The following EML6 variants were observed in gnomAD, a reference collection of about 807,000 sequenced individuals.
EML6 encodes the protein echinoderm microtubule-associated protein-like 6.
EML6 carries 154 observed loss-of-function variants against 240.1 expected under a neutral mutation model. That is an observed-to-expected ratio of 0.64 (90% CI 0.56 to 0.73). The LOEUF is 0.73. Ranked by LOEUF, EML6 falls within the 30% of genes least tolerant of loss-of-function variation. The probability of loss-of-function intolerance (pLI) is 0.00; values close to 1 mark genes in which losing one functional copy is unlikely to be tolerated. For synonymous variants in EML6, 1,148 were observed against 899.0 expected, an observed-to-expected ratio of 1.28 and a Z score of -4.95; for missense variants, 2,964 against 2,474.6, an observed-to-expected ratio of 1.20 and a Z score of -4.20.
intron 2 of EML6, among the ~76,000 whole-genome samples, chr2:54,797,200 G>A (rs980019924): frequency 2.6e-5 from 3 of 117,074 alleles, no homozygotes; most frequent in African/African-American, 6.0e-5. Context: ...CTGTGATCTT[G>A]TAGGTCTAAG....
chr2:54,920,292 A>G (rs1371203898), intron 26 of EML6, among the ~76,000 whole-genome samples: 1 of 152,148 alleles, frequency 6.6e-6, no homozygotes, highest in Non-Finnish European at 1.5e-5. Context: ...CTAGCCAAAA[A>G]AAGGACTCAA....
At position 54,971,952 on chromosome 2, in the gene EML6, A is replaced by ACC. The variant is rs1677044982; in HGVS notation, c.*1857_*1858insCC. ...ATGTGAGTTAAAACATTGGTGCATG[A>ACC]ATTTATTTTCAAAGTATAAAACACA... is the stretch of plus-strand genomic sequence containing the variant. On this transcript the variant is annotated 3_prime_UTR_variant, in exon 42 of 42. Transcript: ENST00000356458. 1 of 152,230 alleles carries ACC rather than the reference A, an allele frequency of 6.6e-6. No homozygotes were observed. Among genetic ancestry groups the ACC allele is most frequent in the Non-Finnish European group, 1.5e-5 (1 of 68,044 alleles). The allele number at this position is 152,230 out of a possible 1,614,324, so 9.4% of individuals were successfully genotyped here. A position where few individuals can be genotyped will look rare whatever the true frequency, so the allele number is the denominator to read the frequency against.
chr2:54,830,841 G>C (rs1239987385), intron 7 of EML6, among the ~76,000 whole-genome samples: 2 of 152,188 alleles, frequency 1.3e-5, no homozygotes, highest in African/African-American at 2.4e-5. Flanking sequence ...AACTAATCCA[G>C]GATTGGACTC....
intron 28 of EML6, among the ~76,000 whole-genome samples, chr2:54,939,231 C>T (rs550877013): frequency 1.3e-5 from 2 of 152,342 alleles, no homozygotes; most frequent in Non-Finnish European, 2.9e-5. Context: ...CCCTGGTCAT[C>T]CTTCCAGCGC....
chr2:54,852,520 T>G (rs533918472), intron 10 of EML6, among the ~76,000 whole-genome samples: 1 of 152,338 alleles, frequency 6.6e-6, no homozygotes, highest in South Asian at 2.1e-4. Flanking sequence ...TTCTAGTATC[T>G]TTGTTGGTCC....
At chr2:54,740,593 A>T (rs1046144655) in intron 2 of EML6, among the ~76,000 whole-genome samples, 3 of 152,124 alleles carry the variant, frequency 2.0e-5, no homozygotes, top group African/African-American at 7.2e-5. Flanking sequence ...TTTCAGGTTT[A>T]CTTTTCTTCT....
At chr2:54,784,812 G>A (rs1669005377) in intron 2 of EML6, among the ~76,000 whole-genome samples, 1 of 151,784 alleles carries the variant, frequency 6.6e-6, no homozygotes, top group South Asian at 2.1e-4. Context: ...ATTCTTAAAG[G>A]AAGCTAGAGA....
chr2:54,837,311 T>C (rs897948804), intron 7 of EML6, among the ~76,000 whole-genome samples: 1 of 152,198 alleles, frequency 6.6e-6, no homozygotes, highest in Non-Finnish European at 1.5e-5. Context: ...TTTCCCCCTA[T>C]TGCTAGCTTG....
At chr2:54,866,923 GT>G in intron 14 of EML6, 39 bp downstream of exon 14, 1 of 1,252,440 alleles carries the variant, frequency 8.0e-7, no homozygotes, top group Non-Finnish European at 1.1e-6. Context: ...GTGTTCCTCT[GT>G]CTCTGCCTGG....
intron 17 of EML6, among the ~76,000 whole-genome samples, chr2:54,888,036 C>T (rs1238964285): frequency 2.0e-5 from 3 of 152,244 alleles, no homozygotes; most frequent in Non-Finnish European, 4.4e-5. Context: ...TAGCAATGGG[C>T]TTGCTGCCCA....
At chr2:54,953,334 G>A (rs908011613) in intron 31 of EML6, among the ~76,000 whole-genome samples, 6 of 152,290 alleles carry the variant, frequency 3.9e-5, no homozygotes, top group East Asian at 1.9e-4. Context: ...TGTTCCATCC[G>A]TGAGTAGTTT....
intron 36 of EML6, 47 bp from the exon 37 acceptor site, chr2:54,963,939 G>A (rs1428985166): frequency 6.6e-7 from 1 of 1,512,092 alleles, no homozygotes. Context: ...CTGGAGACCA[G>A]CTGAGGGGGC....
rs1220784802 is a variant in EML6 at position 54,744,943 on chromosome 2, CA to C, written c.197+19686del. Among the ~76,000 whole-genome samples the C allele has an allele frequency of 1.4e-3, 194 of 134,296 alleles. 1 individual carries two copies. Among genetic ancestry groups the C allele is most frequent in the Middle Eastern group, 0.012 (3 of 244 alleles). The allele number at this position is 134,296 out of a possible 152,430, so 88.1% of individuals were successfully genotyped here. ...ACACACACACACACACACACACACACACACACACACACACACACACCCTGCC... is the reference window on the plus strand; with the variant it reads ...ACACACACACACACACACACACACACCACACACACACACACACACCCTGCC... On this transcript the variant is annotated intron_variant, in intron 2 of 41. Coordinates refer to ENST00000356458, the MANE Select transcript of EML6 (RefSeq NM_001039753.4).
At chr2:54,839,061 G>C (rs747559348) in intron 7 of EML6, among the ~76,000 whole-genome samples, 4 of 152,158 alleles carry the variant, frequency 2.6e-5, no homozygotes, top group Non-Finnish European at 5.9e-5. Context: ...TGCTGCAGCT[G>C]CCTTGGTCAG....
chr2:54,789,283 G>A (rs1244049424), intron 2 of EML6, among the ~76,000 whole-genome samples: 1 of 152,050 alleles, frequency 6.6e-6, no homozygotes, highest in African/African-American at 2.4e-5. Context: ...GGAGGCCAAG[G>A]CGGGCGGATC....
Position 54,871,610 on chromosome 2 carries a change from G to T in EML6, c.2344+5G>T. ...TGTGTGCACTTGATTTTTCAGGTAA[G>T]GTCCAGAGTGATTGACACATGGTTC... On this transcript the variant is annotated splice_donor_5th_base_variant and intron_variant, in intron 16 of 41. Transcript: ENST00000356458. 6.5e-7 allele frequency: 1 copy of T among 1,539,362 alleles called. No individual in the cohort carries two copies. The highest frequency in any genetic ancestry group is 8.8e-7 in the Non-Finnish European group (1 of 1,135,692).
intron 9 of EML6, among the ~76,000 whole-genome samples, chr2:54,849,367 T>TC (rs34363965): frequency 6.6e-6 from 1 of 152,250 alleles, no homozygotes; most frequent in Non-Finnish European, 1.5e-5. Context: ...TCTTATTTCT[T>TC]CTATCACACT....
chr2:54,829,230 G>C (rs1284278665), intron 6 of EML6, 112 bp from the exon 7 acceptor site: 2 of 944,466 alleles, frequency 2.1e-6, no homozygotes, highest in African/African-American at 1.6e-5. Context: ...GAGAACAAAG[G>C]GGTTTTATTT....
chr2:54,734,699 A>G (rs1385173570), intron 2 of EML6, among the ~76,000 whole-genome samples: 1 of 152,234 alleles, frequency 6.6e-6, no homozygotes, highest in Non-Finnish European at 1.5e-5. Flanking sequence ...TGGTAAAGAA[A>G]TAGTTCCATA....
Sources: gnomAD v4.1 joint callset for allele counts (sites outside exome capture counted in the v4.1 genomes callset) on GRCh38, gnomAD v4.1.1 for gene constraint, MANE v1.5 for transcripts, NCBI Gene and HGNC (gene_info 2026-07-23, HGNC 2026-07-21) for gene names.